Variants in ANKRD9 observed in about 807,000 individuals in gnomAD.
ANKRD9 encodes the protein ankyrin repeat domain-containing protein 9.
ANKRD9 carries 13 observed loss-of-function variants against 19.2 expected under a neutral mutation model. That is an observed-to-expected ratio of 0.68 (90% CI 0.44 to 1.08). ANKRD9 has a LOEUF of 1.08. Among genes scored for constraint, ANKRD9 ranks in the 50% least tolerant of loss-of-function variants. ANKRD9 has a pLI of 0.00. For missense variants in ANKRD9, 518 were observed against 499.9 expected, an observed-to-expected ratio of 1.04 and a Z score of -0.34; for synonymous variants, 278 against 256.8, an observed-to-expected ratio of 1.08 and a Z score of -0.79.
chr14:102,507,384 A>T lies in ANKRD9; in HGVS notation c.506T>A (p.Leu169Gln). ...GGTSLHVACE[L>Q]ARPECLFLLL... ...CAGGAAGAGGCACTCGGGGCGCGCC[A>T]GCTCACAGGCCACGTGCAGCGACGT... The change falls in exon 4 of 4, where the codon CTG becomes CAG. Residue 169 changes from leucine (L) to glutamine (Q), a missense_variant. Leu to Gln is a moderately radical substitution (Grantham distance 113). Transcript: ENST00000286918. The surrounding 1 kb of genome is among the most constrained non-coding windows in gnomAD (Gnocchi z 9.2). 7.5e-7 allele frequency: 1 copy of T among 1,340,550 alleles called. No homozygotes were observed. The highest frequency in any genetic ancestry group is 9.6e-7 in the Non-Finnish European group (1 of 1,044,262). The allele number at this position is 1,340,550 out of a possible 1,614,324, so 83.0% of individuals were successfully genotyped here.
Position 102,505,397 on chromosome 14 carries a change from G to C in ANKRD9, c.*1539C>G, listed in dbSNP as rs537700448. On this transcript the variant is annotated 3_prime_UTR_variant, in exon 4 of 4. Transcript: ENST00000286918. ...CCACTGCCCCAAGTGCCAAGGTTCA[G>C]AGGCACTGGTCCAGGACACACAGCA... The C allele has an allele frequency of 3.3e-5, 5 of 152,264 alleles. No homozygotes were observed. The highest frequency in any genetic ancestry group is 1.2e-4 in the African/African-American group (5 of 41,446). 9.4% of individuals were successfully genotyped at this position (152,264 alleles called of 1,614,324 possible).
chr14:102,508,237 C>A lies in ANKRD9; in HGVS notation c.-54+238G>T. Among the ~76,000 whole-genome samples the A allele has an allele frequency of 6.6e-6, 1 of 152,202 alleles. No homozygotes were observed. Among genetic ancestry groups the A allele is most frequent in the Admixed American group, 6.5e-5 (1 of 15,280 alleles). On this transcript the variant is annotated intron_variant, in intron 3 of 3. Coordinates refer to ENST00000286918, the MANE Select transcript of ANKRD9 (RefSeq NM_152326.4). The surrounding 1 kb of genome is among the most constrained non-coding windows in gnomAD (Gnocchi z 6.2). Reference sequence around the variant, plus strand: ...TGCCCTCAAATCTCCCCTCCCCTCTCCAACCCAGGGACCCACTGGAAGAGC... The same window carrying A: ...TGCCCTCAAATCTCCCCTCCCCTCTACAACCCAGGGACCCACTGGAAGAGC...
Position 102,509,763 on chromosome 14 carries a change from C to T in ANKRD9, c.-569G>A, listed in dbSNP as rs1188769685. ...GCGGGCGGCGGGCGGCGCAGTGCGGCCCCGGCCAGGCAGGACAGCGGGACC... is the reference window on the plus strand; with the variant it reads ...GCGGGCGGCGGGCGGCGCAGTGCGGTCCCGGCCAGGCAGGACAGCGGGACC... On this transcript the variant is annotated 5_prime_UTR_variant, in exon 1 of 4. Coordinates refer to ENST00000286918, the MANE Select transcript of ANKRD9 (RefSeq NM_152326.4). 2 of 146,444 alleles carry T rather than the reference C, an allele frequency of 1.4e-5. No individual in the cohort carries two copies. Among genetic ancestry groups the T allele is most frequent in the Admixed American group, 6.8e-5 (1 of 14,704 alleles). The allele number at this position is 146,444 out of a possible 1,614,324, so 9.1% of individuals were successfully genotyped here.
At position 102,507,829 on chromosome 14, in the gene ANKRD9, CGCCCGAGGCCTCG is replaced by C; in HGVS notation, c.48_60del (p.Glu17ArgfsTer303). Reference sequence around the variant, plus strand: ...TGCTTCTGCGCTCGCGAGCGCGCCGCGCCCGAGGCCTCGGGCCCGCCGTCCGCGCCACCCCCAG... The same window carrying C: ...TGCTTCTGCGCTCGCGAGCGCGCCGCGGCCCGCCGTCCGCGCCACCCCCAG... On this transcript the variant is annotated frameshift_variant, in exon 4 of 4. Coordinates refer to ENST00000286918, the MANE Select transcript of ANKRD9 (RefSeq NM_152326.4). LOFTEE classifies it high-confidence loss of function. This position sits in a 1 kb window ranked among gnomAD's most constrained non-coding sequence, Gnocchi z 9.2. 1 of 1,353,434 alleles carries C rather than the reference CGCCCGAGGCCTCG, an allele frequency of 7.4e-7. No individual in the cohort carries two copies. Among genetic ancestry groups the C allele is most frequent in the Non-Finnish European group, 9.6e-7 (1 of 1,036,418 alleles). 83.8% of individuals were successfully genotyped at this position (1,353,434 alleles called of 1,614,324 possible).
Position 102,505,285 on chromosome 14 carries a change from T to A in ANKRD9, c.*1651A>T, listed in dbSNP as rs1020855026. On this transcript the variant is annotated 3_prime_UTR_variant, in exon 4 of 4. Coordinates refer to ENST00000286918, the MANE Select transcript of ANKRD9 (RefSeq NM_152326.4). ...AAAGGAGAGGCACCTCCCCCCCCCA[T>A]GGCATCTCCAATCTGAGGACCTGCC... The A allele has an allele frequency of 1.7e-5, 2 of 121,138 alleles. No homozygotes were observed. The highest frequency in any genetic ancestry group is 5.2e-5 in the African/African-American group (2 of 38,276). The allele number at this position is 121,138 out of a possible 1,614,324, so 7.5% of individuals were successfully genotyped here. A position where few individuals can be genotyped will look rare whatever the true frequency, so the allele number is the denominator to read the frequency against.
rs1567373552 is a variant in ANKRD9 at position 102,507,885 on chromosome 14, G to C, written c.5C>G (p.Pro2Arg). The C allele has an allele frequency of 8.9e-7, 1 of 1,121,782 alleles. No individual in the cohort carries two copies. The highest frequency in any genetic ancestry group is 1.1e-6 in the Non-Finnish European group (1 of 908,692). The allele number at this position is 1,121,782 out of a possible 1,614,324, so 69.5% of individuals were successfully genotyped here. A position where few individuals can be genotyped will look rare whatever the true frequency, so the allele number is the denominator to read the frequency against. ...ACCCCCAGGCCGCCGCGCGTCCCAC[G>C]GCATGCTGGCGGCGGGGCGTTCCTG... M[P>R]WDARRPGGGA... The change falls in exon 4 of 4, where the codon CCG becomes CGG. Residue 2 changes from proline (P) to arginine (R), a missense_variant. Pro to Arg is a moderately radical substitution (Grantham distance 103). Coordinates refer to ENST00000286918, the MANE Select transcript of ANKRD9 (RefSeq NM_152326.4). This position sits in a 1 kb window ranked among gnomAD's most constrained non-coding sequence, Gnocchi z 9.2.
In ANKRD9 at chr14:102,507,893, G is replaced by A. The variant is rs1218167926; in HGVS notation, c.-4C>T. ...GCCGCCGCGCGTCCCACGGCATGCT[G>A]GCGGCGGGGCGTTCCTGGGCCTCAA... On this transcript the variant is annotated 5_prime_UTR_variant, in exon 4 of 4. Coordinates refer to ENST00000286918, the MANE Select transcript of ANKRD9 (RefSeq NM_152326.4). This position sits in a 1 kb window ranked among gnomAD's most constrained non-coding sequence, Gnocchi z 9.2. 6 of 1,112,456 alleles carry A rather than the reference G, an allele frequency of 5.4e-6. No homozygotes were observed. The African/African-American group carries it at 6.7e-5, about 12-fold the overall frequency. 68.9% of individuals were successfully genotyped at this position (1,112,456 alleles called of 1,614,324 possible).
chr14:102,507,111 C>G lies in ANKRD9; in HGVS notation c.779G>C (p.Arg260Pro), dbSNP rs1355487136. 1 of 1,511,994 alleles carries G rather than the reference C, an allele frequency of 6.6e-7. No individual in the cohort carries two copies. The highest frequency in any genetic ancestry group is 8.8e-7 in the Non-Finnish European group (1 of 1,138,164). 93.7% of individuals were successfully genotyped at this position (1,511,994 alleles called of 1,614,324 possible). Residue 260 changes from arginine (R) to proline (P), a missense_variant, in exon 4 of 4, where the codon CGG (arginine) becomes CCG (proline). Coordinates refer to ENST00000286918, the MANE Select transcript of ANKRD9 (RefSeq NM_152326.4). This position sits in a 1 kb window ranked among gnomAD's most constrained non-coding sequence, Gnocchi z 9.2. ...CTGGAACTTGTCCTCACCCAGCAGCCGCTGCCAGCGCGGCCGGTCGCCCAG... is the reference window on the plus strand; with the variant it reads ...CTGGAACTTGTCCTCACCCAGCAGCGGCTGCCAGCGCGGCCGGTCGCCCAG... ...ELLGDRPRWQ[R>P]LLGEDKFQWL...
At position 102,506,969 on chromosome 14, in the gene ANKRD9, G is replaced by T; in HGVS notation, c.921C>A (p.Phe307Leu). The T allele has an allele frequency of 1.9e-6, 3 of 1,561,486 alleles. No homozygotes were observed. The highest frequency in any genetic ancestry group is 1.7e-6 in the Non-Finnish European group (2 of 1,153,560). The part of the protein sequence containing the change: ...EALDELPLPP[F>L]LQPLDLTGKG The stretch of plus-strand genomic sequence containing the variant: ...TGCCAGTGAGGTCCAACGGCTGCAG[G>T]AATGGGGGCAGCGGCAGCTCGTCCA... The change falls in exon 4 of 4, where the codon TTC (phenylalanine) becomes TTA (leucine). Residue 307 changes from phenylalanine (F) to leucine (L), a missense_variant. By Grantham distance (22) the Phe-to-Leu change is conservative (BLOSUM62 0). Coordinates refer to ENST00000286918, the MANE Select transcript of ANKRD9 (RefSeq NM_152326.4).
rs34651300 is a variant in ANKRD9, at chr14:102,503,283, CTTT to C, written c.*3650_*3652del. The C allele has an allele frequency of 5.7e-5, 7 of 122,480 alleles. No individual in the cohort carries two copies. Among genetic ancestry groups the C allele is most frequent in the Non-Finnish European group, 6.5e-5 (4 of 61,310 alleles). 7.6% of individuals were successfully genotyped at this position (122,480 alleles called of 1,614,324 possible). A position where few individuals can be genotyped will look rare whatever the true frequency, so the allele number is the denominator to read the frequency against. On this transcript the variant is annotated 3_prime_UTR_variant, in exon 4 of 4. Coordinates refer to ENST00000286918, the MANE Select transcript of ANKRD9 (RefSeq NM_152326.4). ...CACCAATAGAAATCTGTCTTTCCAT[CTTT>C]TTTTTTTTTTTTTTTGAGATGGAGT...
Position 102,502,499 on chromosome 14 carries a change from T to C in ANKRD9, c.*4437A>G, listed in dbSNP as rs1006894613. ...AAAATTCAGTTGTCTCTAACTACTCTTTGTTATCAAGGCTGGTTGAGTCAA... is the reference window on the plus strand; with the variant it reads ...AAAATTCAGTTGTCTCTAACTACTCCTTGTTATCAAGGCTGGTTGAGTCAA... On this transcript the variant is annotated 3_prime_UTR_variant, in exon 4 of 4. Transcript: ENST00000286918. 6.6e-6 allele frequency: 1 copy of C among 152,630 alleles called. No individual in the cohort carries two copies. The highest frequency in any genetic ancestry group is 1.5e-5 in the Non-Finnish European group (1 of 68,040). 9.5% of individuals were successfully genotyped at this position (152,630 alleles called of 1,614,324 possible). A position where few individuals can be genotyped will look rare whatever the true frequency, so the allele number is the denominator to read the frequency against.
At position 102,507,481 on chromosome 14, in the gene ANKRD9, G is replaced by T; in HGVS notation, c.409C>A (p.Arg137Ser). ...GILRRILRTLRDFPAEERARV... is the reference protein window; with the variant it reads ...GILRRILRTLSDFPAEERARV... The stretch of plus-strand genomic sequence containing the variant: ...GCCCGCTCCTCGGCCGGGAAGTCGC[G>T]CAAGGTGCGCAGGATGCGGCGCAGA... The change falls in exon 4 of 4, where the codon CGC (arginine) becomes AGC (serine). Residue 137 changes from arginine to serine, a missense_variant. Transcript: ENST00000286918. The surrounding 1 kb of genome is among the most constrained non-coding windows in gnomAD (Gnocchi z 9.2). 7.1e-7 allele frequency: 1 copy of T among 1,399,396 alleles called. No homozygotes were observed. The highest frequency in any genetic ancestry group is 9.3e-7 in the Non-Finnish European group (1 of 1,074,078). 86.7% of individuals were successfully genotyped at this position (1,399,396 alleles called of 1,614,324 possible). A position where few individuals can be genotyped will look rare whatever the true frequency, so the allele number is the denominator to read the frequency against.
chr14:102,508,930 G>GAA lies in ANKRD9; in HGVS notation c.-334-85_-334-84insTT. The GAA allele has an allele frequency of 6.6e-6, 1 of 152,360 alleles. No individual in the cohort carries two copies. Among genetic ancestry groups the GAA allele is most frequent in the African/African-American group, 2.4e-5 (1 of 41,538 alleles). The allele number at this position is 152,360 out of a possible 1,614,324, so 9.4% of individuals were successfully genotyped here. A position where few individuals can be genotyped will look rare whatever the true frequency, so the allele number is the denominator to read the frequency against. ...CCAACCCACAGGCAATCGAGCTTAGGCCCTGACCCTGCCCTCTGAGTCCCC... is the reference window on the plus strand; with the variant it reads ...CCAACCCACAGGCAATCGAGCTTAGGAACCCTGACCCTGCCCTCTGAGTCCCC... On this transcript the variant is annotated intron_variant, in intron 1 of 3. Coordinates refer to ENST00000286918, the MANE Select transcript of ANKRD9 (RefSeq NM_152326.4). The surrounding 1 kb of genome is among the most constrained non-coding windows in gnomAD (Gnocchi z 6.2).
rs1316531969 is a variant in ANKRD9, at chr14:102,507,721, C to G, written c.169G>C (p.Glu57Gln). The G allele has an allele frequency of 6.6e-7, 1 of 1,518,170 alleles. No homozygotes were observed. Among genetic ancestry groups the G allele is most frequent in the African/African-American group, 1.4e-5 (1 of 71,552 alleles). 94.0% of individuals were successfully genotyped at this position (1,518,170 alleles called of 1,614,324 possible). A position where few individuals can be genotyped will look rare whatever the true frequency, so the allele number is the denominator to read the frequency against. Residue 57 changes from glutamate to glutamine, a missense_variant, in exon 4 of 4, where the codon GAG becomes CAG. Coordinates refer to ENST00000286918, the MANE Select transcript of ANKRD9 (RefSeq NM_152326.4). This position sits in a 1 kb window ranked among gnomAD's most constrained non-coding sequence, Gnocchi z 9.2. ...CCGCGCTCGTCCCAGTGGAAGGCCTCGCTGGCGCGCATATCCTCCAGCAGC... is the reference window on the plus strand; with the variant it reads ...CCGCGCTCGTCCCAGTGGAAGGCCTGGCTGGCGCGCATATCCTCCAGCAGC... ...VWLLEDMRAS[E>Q]AFHWDERGRA...
In ANKRD9 at chr14:102,507,407, C is replaced by T; in HGVS notation, c.483G>A (p.Thr161=). The T allele has an allele frequency of 3.6e-5, 49 of 1,356,394 alleles. No individual in the cohort carries two copies. Among genetic ancestry groups the T allele is most frequent in the Non-Finnish European group, 4.7e-5 (49 of 1,051,926 alleles). The allele number at this position is 1,356,394 out of a possible 1,614,324, so 84.0% of individuals were successfully genotyped here. ...RGCSRVEGGG[T]SLHVACELAR... ...CCAGCTCACAGGCCACGTGCAGCGA[C>T]GTGCCACCGCCCTCCACGCGGCTGC... Residue 161 remains threonine, a synonymous_variant, in exon 4 of 4, where the codon ACG becomes ACA. Coordinates refer to ENST00000286918, the MANE Select transcript of ANKRD9 (RefSeq NM_152326.4). The surrounding 1 kb of genome is among the most constrained non-coding windows in gnomAD (Gnocchi z 9.2).
Position 102,506,760 on chromosome 14 carries a change from C to G in ANKRD9, c.*176G>C. 2 of 933,098 alleles carry G rather than the reference C, an allele frequency of 2.1e-6. No individual in the cohort carries two copies. The highest frequency in any genetic ancestry group is 2.8e-6 in the Non-Finnish European group (2 of 707,874). 57.8% of individuals were successfully genotyped at this position (933,098 alleles called of 1,614,324 possible). On this transcript the variant is annotated 3_prime_UTR_variant, in exon 4 of 4. Transcript: ENST00000286918. ...CAGCGAGCTGAAGGCCCGAGCCCAG[C>G]TGCACCCAGAAAACCTGCCACTTGG...
rs1313319627 is a variant in ANKRD9, at chr14:102,504,822, C to A, written c.*2114G>T. Reference sequence around the variant, plus strand: ...CCCTCCTGCTGCAGTGCCCATAATTCTTCCGGCAGGCCCCGCCCTGCACTC... The same window carrying A: ...CCCTCCTGCTGCAGTGCCCATAATTATTCCGGCAGGCCCCGCCCTGCACTC... On this transcript the variant is annotated 3_prime_UTR_variant, in exon 4 of 4. Transcript: ENST00000286918. The A allele has an allele frequency of 6.6e-6, 1 of 152,436 alleles. No homozygotes were observed. Among genetic ancestry groups the A allele is most frequent in the African/African-American group, 2.4e-5 (1 of 41,466 alleles). 9.4% of individuals were successfully genotyped at this position (152,436 alleles called of 1,614,324 possible).
chr14:102,505,281 C>CCCG lies in ANKRD9; in HGVS notation c.*1654_*1655insCGG, dbSNP rs1555456304. ...CTCCAAAGGAGAGGCACCTCCCCCC[C>CCCG]CCATGGCATCTCCAATCTGAGGACC... On this transcript the variant is annotated 3_prime_UTR_variant, in exon 4 of 4. Coordinates refer to ENST00000286918, the MANE Select transcript of ANKRD9 (RefSeq NM_152326.4). 3 of 152,138 alleles carry CCCG rather than the reference C, an allele frequency of 2.0e-5. No homozygotes were observed. The highest frequency in any genetic ancestry group is 2.1e-4 in the South Asian group (1 of 4,816). The allele number at this position is 152,138 out of a possible 1,614,324, so 9.4% of individuals were successfully genotyped here.
rs1207542401 is a variant in ANKRD9, at chr14:102,505,879, G to A, written c.*1057C>T. 6.6e-6 allele frequency: 1 copy of A among 152,316 alleles called. No homozygotes were observed. The highest frequency in any genetic ancestry group is 1.9e-4 in the East Asian group (1 of 5,188). The allele number at this position is 152,316 out of a possible 1,614,324, so 9.4% of individuals were successfully genotyped here. A position where few individuals can be genotyped will look rare whatever the true frequency, so the allele number is the denominator to read the frequency against. The stretch of plus-strand genomic sequence containing the variant: ...AGCCCTCTGCTCCTGGCAGGACACT[G>A]TGGCCCTCCTGCCCACGTTGGTGCG... On this transcript the variant is annotated 3_prime_UTR_variant, in exon 4 of 4. Transcript: ENST00000286918.
Sources: allele counts gnomAD v4.1 joint callset (sites outside exome capture counted in the v4.1 genomes callset), GRCh38; gene constraint gnomAD v4.1.1; non-coding constraint Gnocchi (gnomAD v3.1); transcripts MANE v1.5; gene names NCBI Gene and HGNC (gene_info 2026-07-23, HGNC 2026-07-21).